SGCZ: variants seen among roughly 807,000 people sequenced by gnomAD.
The protein encoded by SGCZ is zeta-sarcoglycan.
Under a neutral mutation model 41.3 loss-of-function variants are expected in SGCZ, and 40 were observed. That is an observed-to-expected ratio of 0.97 (90% confidence interval 0.75 to 1.26). SGCZ has a LOEUF of 1.26. Ranked by LOEUF, SGCZ falls within the 50% of genes most tolerant of loss-of-function variation. The pLI, the probability that SGCZ is intolerant of heterozygous loss-of-function variation, is 0.00. For synonymous variants in SGCZ, 206 were observed against 137.5 expected (o/e 1.50, Z -3.49); for missense variants, 552 against 369.8 (o/e 1.49, Z -4.04).
chr8:15,195,890 A>ATTT (rs10548247), intron 1 of SGCZ, among the ~76,000 whole-genome samples: 62 of 73,142 alleles, frequency 8.5e-4, no homozygotes, highest in African/African-American at 1.8e-3. Context: ...TTAGGCTTCG[A>ATTT]TTTTTTTTTT....
intron 1 of SGCZ, among the ~76,000 whole-genome samples, chr8:14,596,842 A>C (rs1376886210): frequency 6.6e-6 from 1 of 152,216 alleles, no homozygotes; most frequent in African/African-American, 2.4e-5. Context: ...TAAAATAAAA[A>C]ATAATAAAGA....
intron 2 of SGCZ, among the ~76,000 whole-genome samples, chr8:14,339,319 A>G (rs1167116525): frequency 6.6e-6 from 1 of 152,228 alleles, no homozygotes; most frequent in African/African-American, 2.4e-5. Flanking sequence ...CCTCTTCTCT[A>G]TGTGAATGTT....
intron 1 of SGCZ, among the ~76,000 whole-genome samples, chr8:15,220,613 C>T (rs1228720786): frequency 6.6e-6 from 1 of 152,032 alleles, no homozygotes; most frequent in Non-Finnish European, 1.5e-5. Flanking sequence ...GTCGATTCCT[C>T]AAGGATCTAG....
intron 1 of SGCZ, among the ~76,000 whole-genome samples, chr8:15,016,275 T>G (rs1379805173): frequency 6.6e-6 from 1 of 152,196 alleles, no homozygotes; most frequent in African/African-American, 2.4e-5. Context: ...GTTTCACTGC[T>G]TGTCCACTGC....
At position 14,788,306 on chromosome 8, in the gene SGCZ, T is replaced by C. The variant is rs536916224; in HGVS notation, c.40-233380A>G. On this transcript the variant is annotated intron_variant, in intron 1 of 7. Transcript: ENST00000382080. The stretch of plus-strand genomic sequence containing the variant: ...AACATAGACAGTGTGGAAAGGGCAC[T>C]GAACAATGTGTGTTGGAAAGGGAAC... 2.6e-5 allele frequency among the ~76,000 whole-genome samples: 4 copies of C among 152,326 alleles called. No homozygotes were observed. The South Asian group carries it at 6.2e-4, about 24-fold the overall frequency.
intron 1 of SGCZ, among the ~76,000 whole-genome samples, chr8:15,137,561 G>C (rs1213787084): frequency 6.6e-6 from 1 of 152,122 alleles, no homozygotes; most frequent in Admixed American, 6.6e-5. Context: ...GCAGCCTAGG[G>C]ACTTCATACC....
intron 1 of SGCZ, among the ~76,000 whole-genome samples, chr8:15,047,345 T>A (rs946318487): frequency 6.6e-6 from 1 of 152,090 alleles, no homozygotes; most frequent in African/African-American, 2.4e-5. Flanking sequence ...CTTGTGCCTC[T>A]TCCAAGTCAA....
chr8:14,198,490 G>C (rs1426463188), intron 4 of SGCZ, among the ~76,000 whole-genome samples: 1 of 152,020 alleles, frequency 6.6e-6, no homozygotes. Flanking sequence ...CTATTGAATA[G>C]TATGCAAACT....
intron 5 of SGCZ, among the ~76,000 whole-genome samples, chr8:14,113,220 T>G (rs1802426413): frequency 6.6e-6 from 1 of 152,076 alleles, no homozygotes; most frequent in East Asian, 1.9e-4. Context: ...TCCTGTAATC[T>G]GAGCCCATTT....
rs1029053471 is a variant in SGCZ, at chr8:14,546,591, A to G, written c.234+8141T>C. ...TGGCACTTACAGATCAGTTTTAACC[A>G]TTCTAATTACACACTAACTATGAGA... On this transcript the variant is annotated intron_variant, in intron 2 of 7. Coordinates refer to ENST00000382080, the MANE Select transcript of SGCZ (RefSeq NM_139167.4). Among the ~76,000 whole-genome samples the G allele has an allele frequency of 2.0e-5, 3 of 152,152 alleles. No homozygotes were observed. In the East Asian group the frequency reaches 5.8e-4, roughly 29 times the overall value.
chr8:15,180,670 G>C (rs530381489), intron 1 of SGCZ, among the ~76,000 whole-genome samples: 1 of 151,946 alleles, frequency 6.6e-6, no homozygotes, highest in Admixed American at 6.6e-5. Context: ...CGGATCATGA[G>C]GTCAAGAGTT....
At chr8:15,143,180 G>A (rs1798942883) in intron 1 of SGCZ, among the ~76,000 whole-genome samples, 1 of 152,138 alleles carries the variant, frequency 6.6e-6, no homozygotes, top group Non-Finnish European at 1.5e-5. Flanking sequence ...TTAGAAATAA[G>A]AAAAAATTTC....
chr8:14,831,608 GTGTGTGTGTACACATAGACACATA>G (rs1787709553), intron 1 of SGCZ, among the ~76,000 whole-genome samples: 1 of 149,298 alleles, frequency 6.7e-6, no homozygotes, highest in South Asian at 2.1e-4. Context: ...TTGTGTGTGT[GTGTGTGTGTACACATAGACACATA>G]TGTGTGTGTG....
chr8:14,601,019 T>C (rs968047639), intron 1 of SGCZ, among the ~76,000 whole-genome samples: 28 of 150,404 alleles, frequency 1.9e-4, no homozygotes, highest in African/African-American at 3.2e-4. Context: ...ATATATGTTT[T>C]ATGCATTTTA....
chr8:14,697,081 G>T lies in SGCZ; in HGVS notation c.40-142155C>A, dbSNP rs935735654. The stretch of plus-strand genomic sequence containing the variant: ...CCAATATTCTATAGCCAGCAACAGA[G>T]ATTAAAATCCAGAAAAACACCCCCA... On this transcript the variant is annotated intron_variant, in intron 1 of 7. Coordinates refer to ENST00000382080, the MANE Select transcript of SGCZ (RefSeq NM_139167.4). Among the ~76,000 whole-genome samples, 28 of 151,934 alleles carry T rather than the reference G, an allele frequency of 1.8e-4. 1 individual carries two copies. Among genetic ancestry groups the T allele is most frequent in the Non-Finnish European group, 8.8e-5 (6 of 67,904 alleles).
At chr8:14,719,576 G>C (rs1256268775) in intron 1 of SGCZ, among the ~76,000 whole-genome samples, 73 of 152,002 alleles carry the variant, frequency 4.8e-4, no homozygotes, top group Non-Finnish European at 4.3e-4. Flanking sequence ...TCTCATTGTG[G>C]TTTTGATTTG....
chr8:14,726,872 T>C (rs1487837671), intron 1 of SGCZ, among the ~76,000 whole-genome samples: 1 of 152,086 alleles, frequency 6.6e-6, no homozygotes, highest in East Asian at 1.9e-4. Context: ...TAGTATCTAG[T>C]ATAAATATTA....
In SGCZ at chr8:14,252,523, T is replaced by C. The variant is rs367899396; in HGVS notation, c.337-14844A>G. Among the ~76,000 whole-genome samples, 340 of 152,286 alleles carry C rather than the reference T, an allele frequency of 2.2e-3. 2 individuals are homozygous for C. Among genetic ancestry groups the C allele is most frequent in the African/African-American group, 6.9e-3 (286 of 41,556 alleles). On this transcript the variant is annotated intron_variant, in intron 3 of 7. Transcript: ENST00000382080. Reference sequence around the variant, plus strand: ...TCACTCGAGGTAGCCCATTTTCTGATAGCCTTTTTGATTGTTTGTTTAGAT... The same window carrying C: ...TCACTCGAGGTAGCCCATTTTCTGACAGCCTTTTTGATTGTTTGTTTAGAT...
chr8:14,507,858 G>A (rs1466511060), intron 2 of SGCZ, among the ~76,000 whole-genome samples: 1 of 148,642 alleles, frequency 6.7e-6, no homozygotes, highest in African/African-American at 2.5e-5. Context: ...CGCAATCTCT[G>A]CCTCCCAGAT....
Sources: allele counts gnomAD v4.1 joint callset (sites outside exome capture counted in the v4.1 genomes callset), GRCh38; gene constraint gnomAD v4.1.1; transcripts MANE v1.5; gene names NCBI Gene and HGNC (gene_info 2026-07-23, HGNC 2026-07-21).